Variants in SGCZ observed in about 807,000 individuals in gnomAD.
SGCZ encodes the protein zeta-sarcoglycan.
Under a neutral mutation model 41.3 loss-of-function variants are expected in SGCZ, and 40 were observed. That is an observed-to-expected ratio of 0.97 (90% CI 0.75 to 1.26). SGCZ has a LOEUF of 1.26. Among genes scored for constraint, SGCZ ranks in the 50% most tolerant of loss-of-function variants. The pLI is 0.00. For missense variants in SGCZ, 552 were observed against 369.8 expected, an observed-to-expected ratio of 1.49 and a Z score of -4.04; for synonymous variants, 206 against 137.5, an observed-to-expected ratio of 1.50 and a Z score of -3.49.
intron 1 of SGCZ, among the ~76,000 whole-genome samples, chr8:14,999,087 T>C (rs534663736): frequency 1.5e-4 from 23 of 152,302 alleles, no homozygotes; most frequent in African/African-American, 5.5e-4. Context: ...CTTTAGGGTG[T>C]TATCTCTTAC....
chr8:14,599,569 C>A (rs80056356), intron 1 of SGCZ, among the ~76,000 whole-genome samples: 2,360 of 152,274 alleles, frequency 0.015, 24 homozygotes, highest in Non-Finnish European at 0.024. Context: ...TAATATCTAG[C>A]CCCTTCTTGT....
intron 1 of SGCZ, among the ~76,000 whole-genome samples, chr8:15,056,508 T>C (rs1804710314): frequency 1.3e-5 from 2 of 151,828 alleles, no homozygotes; most frequent in Admixed American, 1.3e-4. Flanking sequence ...TGAATGATGT[T>C]GTTTTTCTGT....
chr8:14,921,828 G>C (rs1799596522), intron 1 of SGCZ, among the ~76,000 whole-genome samples: 3 of 152,032 alleles, frequency 2.0e-5, no homozygotes, highest in Admixed American at 2.0e-4. Context: ...GGCGACTTTA[G>C]AAAAGTAAGG....
intron 1 of SGCZ, among the ~76,000 whole-genome samples, chr8:15,054,826 C>G (rs7008233): frequency 1 from 151,840 of 151,846 alleles, 75,917 homozygotes; most frequent in Non-Finnish European, 1. Context: ...GCCGGGCATT[C>G]TGGCGGGCAC....
At chr8:14,268,111 T>C (rs981893849) in intron 3 of SGCZ, among the ~76,000 whole-genome samples, 24 of 150,608 alleles carry the variant, frequency 1.6e-4, no homozygotes, top group Non-Finnish European at 1.5e-4. Flanking sequence ...TCAGTGATAA[T>C]ATATATTGTA....
chr8:15,008,741 GGGGA>G (rs1802708308), intron 1 of SGCZ, among the ~76,000 whole-genome samples: 1 of 57,420 alleles, frequency 1.7e-5, no homozygotes, highest in Non-Finnish European at 3.4e-5. Flanking sequence ...GGAGGAGGGA[GGGGA>G]AGAGGGGGGA....
chr8:14,608,962 A>G (rs1358753241), intron 1 of SGCZ, among the ~76,000 whole-genome samples: 1 of 152,212 alleles, frequency 6.6e-6, no homozygotes, highest in Non-Finnish European at 1.5e-5. Flanking sequence ...AAGAATACGA[A>G]AAAAACCAGA....
chr8:15,231,726 A>G (rs1205532465), intron 1 of SGCZ, among the ~76,000 whole-genome samples: 1 of 149,064 alleles, frequency 6.7e-6, no homozygotes, highest in Non-Finnish European at 1.5e-5. Flanking sequence ...CCTTCAAGCA[A>G]TTCTCTCGCC....
intron 1 of SGCZ, among the ~76,000 whole-genome samples, chr8:14,866,625 C>T (rs1003072034): frequency 1.3e-5 from 2 of 151,920 alleles, no homozygotes; most frequent in African/African-American, 4.8e-5. Flanking sequence ...GCCTGGGCAA[C>T]ACAGCAAAAC....
chr8:15,090,187 A>G (rs1197976596), intron 1 of SGCZ, among the ~76,000 whole-genome samples: 1 of 152,206 alleles, frequency 6.6e-6, no homozygotes, highest in Non-Finnish European at 1.5e-5. Flanking sequence ...ATCCACAAGA[A>G]GCAAATTTAG....
rs117936281 is a variant in SGCZ at position 14,128,816 on chromosome 8, C to T, written c.548-20581G>A. 6.1e-4 allele frequency among the ~76,000 whole-genome samples: 92 copies of T among 151,806 alleles called. 1 individual carries two copies. The East Asian group carries it at 0.015, about 24-fold the overall frequency. ...TAACATGGATGGAACTGAAGGTGAT[C>T]ATCATAAATGTAATGATTCAGAAAC... is the stretch of plus-strand genomic sequence containing the variant. On this transcript the variant is annotated intron_variant, in intron 5 of 7. Coordinates refer to ENST00000382080, the MANE Select transcript of SGCZ (RefSeq NM_139167.4).
intron 1 of SGCZ, among the ~76,000 whole-genome samples, chr8:14,790,747 A>G (rs13260864): frequency 6.6e-6 from 1 of 152,122 alleles, no homozygotes; most frequent in Non-Finnish European, 1.5e-5. Flanking sequence ...AAAATAGTAT[A>G]CAGCCAGGAA....
intron 1 of SGCZ, among the ~76,000 whole-genome samples, chr8:14,640,210 G>A (rs1806976556): frequency 6.6e-6 from 1 of 151,656 alleles, no homozygotes. Flanking sequence ...TCTTCCTTCT[G>A]GATTCATTTT....
intron 1 of SGCZ, among the ~76,000 whole-genome samples, chr8:14,987,419 T>G (rs925655651): frequency 1.3e-5 from 2 of 152,022 alleles, no homozygotes; most frequent in African/African-American, 4.8e-5. Context: ...TTGTTTGTGA[T>G]GCATTTTATA....
intron 4 of SGCZ, among the ~76,000 whole-genome samples, chr8:14,174,970 G>T (rs1351605862): frequency 6.6e-6 from 1 of 152,064 alleles, no homozygotes; most frequent in Non-Finnish European, 1.5e-5. Flanking sequence ...GGGTCATATT[G>T]TATGGTCCAC....
chr8:14,597,978 T>C (rs1805466584), intron 1 of SGCZ, among the ~76,000 whole-genome samples: 1 of 152,206 alleles, frequency 6.6e-6, no homozygotes, highest in African/African-American at 2.4e-5. Flanking sequence ...AATAATGTTT[T>C]GAAAAATACA....
chr8:14,597,364 T>G lies in SGCZ; in HGVS notation c.40-42438A>C, dbSNP rs183058745. ...GAAAAAGTACTTAGGTAGCATTCAGTGCTTTCAATAGTAATAAAACATAAG... is the reference window on the plus strand; with the variant it reads ...GAAAAAGTACTTAGGTAGCATTCAGGGCTTTCAATAGTAATAAAACATAAG... On this transcript the variant is annotated intron_variant, in intron 1 of 7. Transcript: ENST00000382080. Among the ~76,000 whole-genome samples the G allele has an allele frequency of 4.2e-3, 646 of 152,344 alleles. 3 individuals are homozygous for G. The highest frequency in any genetic ancestry group is 9.5e-3 in the Admixed American group (146 of 15,302).
At chr8:15,216,151 G>C (rs757036379) in intron 1 of SGCZ, among the ~76,000 whole-genome samples, 4 of 151,394 alleles carry the variant, frequency 2.6e-5, no homozygotes, top group Non-Finnish European at 5.9e-5. Context: ...GGATATGGTT[G>C]AAAGCAAAGG....
intron 1 of SGCZ, among the ~76,000 whole-genome samples, chr8:14,942,794 T>TA (rs1800321091): frequency 6.6e-6 from 1 of 152,150 alleles, no homozygotes; most frequent in Admixed American, 6.5e-5. Context: ...CTTTGATATC[T>TA]ATATACTGAT....
Sources: allele counts gnomAD v4.1 joint callset (sites outside exome capture counted in the v4.1 genomes callset), GRCh38; gene constraint gnomAD v4.1.1; transcripts MANE v1.5; gene names NCBI Gene and HGNC (gene_info 2026-07-23, HGNC 2026-07-21).